The following CNNM3 variants were observed in gnomAD, a reference collection of about 807,000 sequenced individuals.
The protein encoded by CNNM3 is cyclin and CBS domain divalent metal cation transport mediator 3.
CNNM3 carries 47 observed loss-of-function variants against 57.1 expected under a neutral mutation model. The ratio of observed to expected loss-of-function variants is 0.82; its 90% CI spans 0.65 to 1.05. The LOEUF (loss-of-function observed/expected upper bound fraction) is 1.05. Among genes scored for constraint, CNNM3 ranks in the 50% least tolerant of loss-of-function variants. The pLI is 0.00. For missense variants in CNNM3, 957 were observed against 973.7 expected (o/e 0.98, Z 0.23); for synonymous variants, 507 against 478.2 (o/e 1.06, Z -0.79).
At chr2:96,824,266 A>G (rs1456328030) in intron 1 of CNNM3, among the ~76,000 whole-genome samples, 2 of 152,218 alleles carry the variant, frequency 1.3e-5, no homozygotes, top group Non-Finnish European at 2.9e-5. Flanking sequence ...CCAAATAGGA[A>G]GCTAACCTGA....
intron 3 of CNNM3, 72 bp downstream of exon 3, chr2:96,827,054 G>T: frequency 6.5e-7 from 1 of 1,531,686 alleles, no homozygotes; most frequent in Non-Finnish European, 8.9e-7. Flanking sequence ...GCCCAGGGCC[G>T]ACACTGACTC....
At chr2:96,827,938 C>T (rs2079537532) in intron 4 of CNNM3, 38 bp downstream of exon 4, 6 of 1,600,720 alleles carry the variant, frequency 3.7e-6, no homozygotes, top group Non-Finnish European at 5.1e-6. Flanking sequence ...CCTCCTGCTT[C>T]CTCAGGCCAG....
intron 1 of CNNM3, among the ~76,000 whole-genome samples, chr2:96,819,861 A>T (rs2079380658): frequency 6.6e-6 from 1 of 152,106 alleles, no homozygotes; most frequent in Non-Finnish European, 1.5e-5. Context: ...TCATTTTCCA[A>T]ACCGCCAGTG....
Position 96,816,273 on chromosome 2 carries a change from A to T in CNNM3, c.-5A>T, listed in dbSNP as rs2079313400. The T allele has an allele frequency of 7.6e-7, 1 of 1,311,038 alleles. No homozygotes were observed. The highest frequency in any genetic ancestry group is 9.7e-7 in the Non-Finnish European group (1 of 1,032,062). 81.2% of individuals were successfully genotyped at this position (1,311,038 alleles called of 1,614,324 possible). A position where few individuals can be genotyped will look rare whatever the true frequency, so the allele number is the denominator to read the frequency against. On this transcript the variant is annotated 5_prime_UTR_variant, in exon 1 of 8. Coordinates refer to ENST00000305510, the MANE Select transcript of CNNM3 (RefSeq NM_017623.5). ...GCGCGAGAGGCCGAGAGGGGGCAGC[A>T]GGCGATGGCGGCGGCGGTAGCTGCG...
intron 1 of CNNM3, among the ~76,000 whole-genome samples, chr2:96,820,259 A>T (rs754399923): frequency 2.6e-5 from 4 of 152,186 alleles, no homozygotes; most frequent in Non-Finnish European, 4.4e-5. Flanking sequence ...CAGCAGGGCT[A>T]TGCAACAAGG....
At chr2:96,817,534 C>G (rs1470514988) in intron 1 of CNNM3, 32 bp downstream of exon 1, 1 of 1,572,992 alleles carries the variant, frequency 6.4e-7, no homozygotes, top group Non-Finnish European at 8.7e-7. Flanking sequence ...AGGGGACGCC[C>G]GTGCGAGTGC....
chr2:96,816,900 C>CGCTGGCGGT lies in CNNM3; in HGVS notation c.628_636dup (p.Ala210_Leu212dup). 4.4e-6 allele frequency: 5 copies of CGCTGGCGGT among 1,127,902 alleles called. No individual in the cohort carries two copies. Among genetic ancestry groups the CGCTGGCGGT allele is most frequent in the Non-Finnish European group, 5.4e-6 (5 of 924,766 alleles). The allele number at this position is 1,127,902 out of a possible 1,614,324, so 69.9% of individuals were successfully genotyped here. A position where few individuals can be genotyped will look rare whatever the true frequency, so the allele number is the denominator to read the frequency against. On this transcript the variant is annotated inframe_insertion, in exon 1 of 8. Transcript: ENST00000305510. Reference sequence around the variant, plus strand: ...CTGCTGGCCAGCCTGGCGCAGGCGGCGCTGGCGGTGCTGCTGTACCGCGCG... The same window carrying CGCTGGCGGT: ...CTGCTGGCCAGCCTGGCGCAGGCGGCGCTGGCGGTGCTGGCGGTGCTGCTGTACCGCGCG...
rs764493273 is a variant in CNNM3 at position 96,833,327 on chromosome 2, C to G, written c.*711C>G. 2 of 297,100 alleles carry G rather than the reference C, an allele frequency of 6.7e-6. No homozygotes were observed. The highest frequency in any genetic ancestry group is 4.4e-5 in the African/African-American group (2 of 45,200). 18.4% of individuals were successfully genotyped at this position (297,100 alleles called of 1,614,324 possible). ...TCTGCCCACCTGCTGAGTTGCCACT[C>G]GCAGTGTTGTCAGTTCCCGTGTTCT... On this transcript the variant is annotated 3_prime_UTR_variant, in exon 8 of 8. Transcript: ENST00000305510.
intron 1 of CNNM3, among the ~76,000 whole-genome samples, chr2:96,819,763 G>A (rs1026304256): frequency 3.3e-5 from 5 of 152,140 alleles, no homozygotes; most frequent in South Asian, 4.1e-4. Context: ...TTGGAGCAGC[G>A]GAGATGGAAG....
rs898411552 is a variant in CNNM3 at position 96,832,597 on chromosome 2, G to A, written c.2105G>A (p.Gly702Glu). 1.2e-6 allele frequency: 2 copies of A among 1,613,936 alleles called. No individual in the cohort carries two copies. The highest frequency in any genetic ancestry group is 1.3e-5 in the African/African-American group (1 of 74,920). ...RPGVPVEGSP[G>E]RNPGV ...GGCGTCCCGGTGGAAGGCAGCCCTG[G>A]GCGGAACCCAGGCGTTTAACGGCTC... The change falls in exon 8 of 8, where the codon GGG (glycine) becomes GAG (glutamate). Residue 702 changes from glycine to glutamate, a missense_variant. Gly to Glu is a moderately conservative substitution (Grantham distance 98, BLOSUM62 -2). Around this residue, in one of 2 missense-constraint regions of CNNM3, gnomAD observed 491 missense variants for 570.6 expected, o/e 0.86. Transcript: ENST00000305510.
intron 1 of CNNM3, 101 bp from the exon 2 acceptor site, chr2:96,824,956 CA>C (rs1240268324): frequency 7.5e-7 from 1 of 1,330,298 alleles, no homozygotes; most frequent in East Asian, 2.4e-5. Context: ...GTTGTAGGAG[CA>C]TGAACGTTAG....
intron 3 of CNNM3, among the ~76,000 whole-genome samples, chr2:96,827,298 C>T (rs1386819046): frequency 2.0e-5 from 3 of 150,106 alleles, no homozygotes; most frequent in African/African-American, 7.4e-5. Flanking sequence ...GATAGGGTCT[C>T]GCTCTGTCAC....
In CNNM3 at chr2:96,828,157, C is replaced by A; in HGVS notation, c.1748C>A (p.Thr583Lys). The change falls in exon 5 of 8, where the codon ACG (threonine) becomes AAG (lysine). Residue 583 changes from threonine (T) to lysine (K), a missense_variant. Around this residue, in one of 2 missense-constraint regions of CNNM3, gnomAD observed 491 missense variants for 570.6 expected, o/e 0.86. Coordinates refer to ENST00000305510, the MANE Select transcript of CNNM3 (RefSeq NM_017623.5). ...EGLKFENGAF[T>K]YYGVSALTVP... ...CTGAAGTTTGAGAATGGGGCCTTCA[C>A]GTACTATGGAGTGTCGGCCCTAACT... 1 of 1,614,144 alleles carries A rather than the reference C, an allele frequency of 6.2e-7. No homozygotes were observed. The highest frequency in any genetic ancestry group is 8.5e-7 in the Non-Finnish European group (1 of 1,180,022).
Position 96,832,617 on chromosome 2 carries a change from C to T in CNNM3, c.*1C>T, listed in dbSNP as rs374600107. 1.5e-5 allele frequency: 24 copies of T among 1,613,448 alleles called. No homozygotes were observed. The highest frequency in any genetic ancestry group is 5.3e-5 in the African/African-American group (4 of 74,926). On this transcript the variant is annotated 3_prime_UTR_variant, in exon 8 of 8. Coordinates refer to ENST00000305510, the MANE Select transcript of CNNM3 (RefSeq NM_017623.5). ...CCCTGGGCGGAACCCAGGCGTTTAA[C>T]GGCTCACTAGGCAGCCCCAGATCTG... is the stretch of plus-strand genomic sequence containing the variant.
intron 7 of CNNM3, 159 bp from the exon 8 acceptor site, chr2:96,832,393 G>A (rs2079618614): frequency 6.7e-7 from 1 of 1,502,718 alleles, no homozygotes. Flanking sequence ...CTGACCATCT[G>A]CTAACCAGTC....
Position 96,828,263 on chromosome 2 carries a change from T to G in CNNM3, c.1786+68T>G, listed in dbSNP as rs1371419199. The G allele has an allele frequency of 8.3e-6, 11 of 1,327,214 alleles. No homozygotes were observed. In the South Asian group the frequency reaches 1.3e-4, roughly 16 times the overall value. The allele number at this position is 1,327,214 out of a possible 1,614,324, so 82.2% of individuals were successfully genotyped here. A position where few individuals can be genotyped will look rare whatever the true frequency, so the allele number is the denominator to read the frequency against. On this transcript the variant is annotated intron_variant, in intron 5 of 7. Coordinates refer to ENST00000305510, the MANE Select transcript of CNNM3 (RefSeq NM_017623.5). ...TGCAGAGCCTGTCCCCCATCATCAC[T>G]TGGGCTCTCAGTGCCCCTCCTCACC...
At position 96,832,601 on chromosome 2, in the gene CNNM3, G is replaced by A. The variant is rs942072042; in HGVS notation, c.2109G>A (p.Arg703=). ...PGVPVEGSPG[R]NPGV The stretch of plus-strand genomic sequence containing the variant: ...TCCCGGTGGAAGGCAGCCCTGGGCG[G>A]AACCCAGGCGTTTAACGGCTCACTA... The change falls in exon 8 of 8, where the codon CGG becomes CGA. Residue 703 remains arginine (R), a synonymous_variant. Coordinates refer to ENST00000305510, the MANE Select transcript of CNNM3 (RefSeq NM_017623.5). The A allele has an allele frequency of 6.2e-7, 1 of 1,614,022 alleles. No homozygotes were observed. Among genetic ancestry groups the A allele is most frequent in the Non-Finnish European group, 8.5e-7 (1 of 1,180,042 alleles).
At position 96,828,556 on chromosome 2, in the gene CNNM3, TC is replaced by T. The variant is rs778499301; in HGVS notation, c.1787-9del. On this transcript the variant is annotated splice_polypyrimidine_tract_variant and intron_variant, in intron 5 of 7. Transcript: ENST00000305510. ...CATGGCTCCTGCCATCACTGATTGTTCCTTTGATAGTTCACCAGTCCCCGGT... is the reference window on the plus strand; with the variant it reads ...CATGGCTCCTGCCATCACTGATTGTTCTTTGATAGTTCACCAGTCCCCGGT... The T allele has an allele frequency of 3.1e-5, 50 of 1,614,010 alleles. No homozygotes were observed. The African/African-American group carries it at 6.7e-4, about 22-fold the overall frequency.
Position 96,834,954 on chromosome 2 carries a change from A to G in CNNM3, c.*2338A>G, listed in dbSNP as rs1227412589. On this transcript the variant is annotated 3_prime_UTR_variant, in exon 8 of 8. Coordinates refer to ENST00000305510, the MANE Select transcript of CNNM3 (RefSeq NM_017623.5). Reference sequence around the variant, plus strand: ...TAGTTTCCCTCCATGGTTACATCTTATATGGTTGTAATGCAGTATTCCAAC... The same window carrying G: ...TAGTTTCCCTCCATGGTTACATCTTGTATGGTTGTAATGCAGTATTCCAAC... 1.3e-5 allele frequency among the ~76,000 whole-genome samples: 2 copies of G among 152,182 alleles called. No individual in the cohort carries two copies. The highest frequency in any genetic ancestry group is 3.8e-4 in the East Asian group (2 of 5,198).
Sources: gnomAD v4.1 joint callset for allele counts (sites outside exome capture counted in the v4.1 genomes callset) on GRCh38, gnomAD v4.1.1 for gene constraint, gnomAD v4.1.1 regional missense constraint, MANE v1.5 for transcripts, NCBI Gene and HGNC (gene_info 2026-07-23, HGNC 2026-07-21) for gene names.